The following JPH2 variants were observed in gnomAD, a reference collection of about 807,000 sequenced individuals.
The protein encoded by JPH2 is junctophilin 2, also known as junctophilin-2.
JPH2 carries 38 observed loss-of-function variants against 55.9 expected under a neutral mutation model. That is an observed-to-expected ratio of 0.68 (90% CI 0.52 to 0.89). The LOEUF (loss-of-function observed/expected upper bound fraction) is 0.89. Ranked by LOEUF, JPH2 falls within the 40% of genes least tolerant of loss-of-function variation. The pLI is 0.00. For synonymous variants in JPH2, 480 were observed against 472.4 expected, an observed-to-expected ratio of 1.02 and a Z score of -0.21; for missense variants, 964 against 1,037.6, an observed-to-expected ratio of 0.93 and a Z score of 0.97.
intron 1 of JPH2, among the ~76,000 whole-genome samples, chr20:44,164,711 CAA>C (rs1569213324): frequency 6.8e-5 from 8 of 118,046 alleles, no homozygotes; most frequent in African/African-American, 2.6e-4. Flanking sequence ...AACAAACAAA[CAA>C]ACAAACCTAT....
chr20:44,169,466 C>G (rs1474284230), intron 1 of JPH2, among the ~76,000 whole-genome samples: 2 of 152,202 alleles, frequency 1.3e-5, no homozygotes. Flanking sequence ...GCATGAGCCA[C>G]CACGCCTGGC....
chr20:44,159,758 G>A lies in JPH2; in HGVS notation c.1029C>T (p.His343=). The A allele has an allele frequency of 6.2e-7, 1 of 1,613,718 alleles. No homozygotes were observed. The highest frequency in any genetic ancestry group is 1.3e-5 in the African/African-American group (1 of 75,064). The stretch of plus-strand genomic sequence containing the variant: ...GCTTGGTGTCCTTGACCAGCACGTT[G>A]TGGCGGTACTTGCCCTCCTCGCGGT... ...DGHREEGKYR[H]NVLVKDTKRR... Residue 343 remains histidine, a synonymous_variant, in exon 2 of 6, where the codon CAC becomes CAT. Coordinates refer to ENST00000372980, the MANE Select transcript of JPH2 (RefSeq NM_020433.5). The surrounding 1 kb of genome is among the most constrained non-coding windows in gnomAD (Gnocchi z 5.7).
Position 44,115,806 on chromosome 20 carries a change from C to A in JPH2, c.1869G>T (p.Glu623Asp), listed in dbSNP as rs757784357. Residue 623 changes from glutamate (E) to aspartate (D), a missense_variant, in exon 4 of 6, where the codon GAG becomes GAT. By Grantham distance (45) the Glu-to-Asp change is conservative (BLOSUM62 2). Transcript: ENST00000372980. Reference protein sequence around the residue: ...EPARETPAKLEPKPIIPKAEP... With the variant: ...EPARETPAKLDPKPIIPKAEP... ...CGGCTTTGGGGATGATGGGCTTGGG[C>A]TCCAGCTTGGCGGGGGTCTCGCGTG... The A allele has an allele frequency of 3.1e-6, 5 of 1,606,638 alleles. No homozygotes were observed. The South Asian group carries it at 4.4e-5, about 14-fold the overall frequency.
intron 1 of JPH2, chr20:44,177,321 T>C: frequency 1.0e-6 from 1 of 986,546 alleles, no homozygotes; most frequent in Non-Finnish European, 1.2e-6. Flanking sequence ...CATGAGGGTG[T>C]GGAGGGCAGG....
At chr20:44,161,173 A>T (rs1170316101) in intron 1 of JPH2, among the ~76,000 whole-genome samples, 2 of 152,158 alleles carry the variant, frequency 1.3e-5, no homozygotes, top group Non-Finnish European at 2.9e-5. Context: ...ATGGATGTGT[A>T]TGAGGTTCTG....
At chr20:44,138,895 T>C (rs2072436270) in intron 2 of JPH2, among the ~76,000 whole-genome samples, 1 of 152,220 alleles carries the variant, frequency 6.6e-6, no homozygotes, top group Non-Finnish European at 1.5e-5. Flanking sequence ...CCAGACAGCA[T>C]GTGGACACGG....
intron 1 of JPH2, among the ~76,000 whole-genome samples, chr20:44,182,677 C>T (rs1262627578): frequency 6.6e-6 from 1 of 152,216 alleles, no homozygotes; most frequent in African/African-American, 2.4e-5. Flanking sequence ...CCTTCTGAGA[C>T]GACTCCATCT....
chr20:44,172,784 C>A (rs569816735), intron 1 of JPH2, among the ~76,000 whole-genome samples: 1 of 152,266 alleles, frequency 6.6e-6, no homozygotes, highest in South Asian at 2.1e-4. Flanking sequence ...CCACCAAGCC[C>A]AGCTCAATAA....
chr20:44,169,810 G>A (rs1388086424), intron 1 of JPH2, among the ~76,000 whole-genome samples: 1 of 152,138 alleles, frequency 6.6e-6, no homozygotes, highest in Non-Finnish European at 1.5e-5. Flanking sequence ...TGGATTCATG[G>A]TTTAATTGGT....
chr20:44,119,746 C>T (rs952590721), intron 2 of JPH2, among the ~76,000 whole-genome samples: 6 of 151,860 alleles, frequency 4.0e-5, no homozygotes, highest in South Asian at 2.1e-4. Flanking sequence ...TGGTGGCGGG[C>T]GCCTGTAGTC....
Position 44,186,649 on chromosome 20 carries a change from C to A in JPH2, c.57G>T (p.Glu19Asp), listed in dbSNP as rs143695964. 7 of 1,608,148 alleles carry A rather than the reference C, an allele frequency of 4.4e-6. No homozygotes were observed. In the African/African-American group the frequency reaches 9.4e-5, roughly 21 times the overall value. The change falls in exon 1 of 6, where the codon GAG becomes GAT. Residue 19 changes from glutamate to aspartate, a missense_variant. Physicochemically the swap from Glu to Asp is conservative, Grantham distance 45. Coordinates refer to ENST00000372980, the MANE Select transcript of JPH2 (RefSeq NM_020433.5). The part of the protein sequence containing the change: ...DDGGAYCGGW[E>D]GGKAHGHGLC... ...GTCCATGCCCATGGGCCTTTCCCCCCTCCCAGCCCCCGCAGTACGCCCCTC... is the reference window on the plus strand; with the variant it reads ...GTCCATGCCCATGGGCCTTTCCCCCATCCCAGCCCCCGCAGTACGCCCCTC...
At position 44,172,344 on chromosome 20, in the gene JPH2, C is replaced by T. The variant is rs532975459; in HGVS notation, c.380-11937G>A. Among the ~76,000 whole-genome samples, 22 of 152,214 alleles carry T rather than the reference C, an allele frequency of 1.4e-4. No individual in the cohort carries two copies. The South Asian group carries it at 4.4e-3, about 30-fold the overall frequency. ...AGCAAACCAGCTCTTTAGGACAAAC[C>T]AACCAACCAACCTCAGTTTGTACTA... On this transcript the variant is annotated intron_variant, in intron 1 of 5. Transcript: ENST00000372980.
At chr20:44,134,783 TAC>T (rs1279785773) in intron 2 of JPH2, among the ~76,000 whole-genome samples, 1 of 99,738 alleles carries the variant, frequency 1.0e-5, no homozygotes, top group African/African-American at 3.9e-5. Flanking sequence ...TTTATAAATA[TAC>T]ATAAATATAC....
intron 3 of JPH2, among the ~76,000 whole-genome samples, chr20:44,116,911 T>G (rs1267208170): frequency 1.3e-5 from 2 of 152,202 alleles, no homozygotes; most frequent in African/African-American, 4.8e-5. Flanking sequence ...AGGTTTTTCA[T>G]CAGGCCTCCT....
intron 2 of JPH2, among the ~76,000 whole-genome samples, chr20:44,147,474 C>T (rs183514746): frequency 7.0e-4 from 107 of 152,306 alleles, no homozygotes; most frequent in Admixed American, 2.9e-3. Context: ...AAACATATTA[C>T]ATCAAAAACG....
intron 1 of JPH2, among the ~76,000 whole-genome samples, chr20:44,174,559 A>G (rs1258404841): frequency 1.3e-5 from 2 of 152,222 alleles, no homozygotes; most frequent in Non-Finnish European, 2.9e-5. Context: ...AGATCACTTG[A>G]GGTCAGGAGT....
chr20:44,156,096 A>G (rs2072564927), intron 2 of JPH2, among the ~76,000 whole-genome samples: 1 of 152,072 alleles, frequency 6.6e-6, no homozygotes, highest in South Asian at 2.1e-4. Context: ...ACTATCACAG[A>G]CCAAAGGGAA....
intron 2 of JPH2, among the ~76,000 whole-genome samples, chr20:44,145,333 G>T (rs538178041): frequency 3.3e-5 from 5 of 152,138 alleles, no homozygotes; most frequent in African/African-American, 1.2e-4. Context: ...GACCAGGCGC[G>T]GTGGCCCATG....
intron 1 of JPH2, among the ~76,000 whole-genome samples, chr20:44,179,476 A>G (rs760981956): frequency 6.6e-6 from 1 of 152,220 alleles, no homozygotes; most frequent in Non-Finnish European, 1.5e-5. Context: ...TAAGACTTTT[A>G]GCCGGAGTCT....
Sources: allele counts gnomAD v4.1 joint callset (sites outside exome capture counted in the v4.1 genomes callset), GRCh38; gene constraint gnomAD v4.1.1; non-coding constraint Gnocchi (gnomAD v3.1); transcripts MANE v1.5; gene names NCBI Gene and HGNC (gene_info 2026-07-23, HGNC 2026-07-21).